PRPF38B: variants seen among roughly 807,000 people sequenced by gnomAD.
PRPF38B encodes the protein pre-mRNA-splicing factor 38B.
In PRPF38B, 18 loss-of-function variants were observed where a neutral mutation model predicts 67.2. The ratio of observed to expected loss-of-function variants is 0.27; its 90% CI spans 0.19 to 0.40. The LOEUF is 0.40. Ranked by LOEUF, PRPF38B falls within the 10% of genes least tolerant of loss-of-function variation. PRPF38B has a pLI of 1.00. For missense variants in PRPF38B, 544 were observed against 684.9 expected, an observed-to-expected ratio of 0.79 and a Z score of 2.30; for synonymous variants, 246 against 234.2, an observed-to-expected ratio of 1.05 and a Z score of -0.46.
In PRPF38B at chr1:108,700,062, A is replaced by G. The variant is rs1222448104; in HGVS notation, c.*42A>G. 1 of 1,535,550 alleles carries G rather than the reference A, an allele frequency of 6.5e-7. No individual in the cohort carries two copies. The highest frequency in any genetic ancestry group is 2.3e-5 in the East Asian group (1 of 44,118). On this transcript the variant is annotated 3_prime_UTR_variant, in exon 6 of 6. Coordinates refer to ENST00000370025, the MANE Select transcript of PRPF38B (RefSeq NM_018061.4). The stretch of plus-strand genomic sequence containing the variant: ...TGGATCACATTGAATCCTATAAATG[A>G]TTAAATCTGCTTTTTTCCCCCACGT...
chr1:108,697,551 T>C (rs1013836181), intron 4 of PRPF38B: 3 of 6,852 alleles, frequency 4.4e-4, no homozygotes, highest in Non-Finnish European at 1.3e-3. Flanking sequence ...TTTTTTTTTT[T>C]TTTTTTTTGC....
At chr1:108,694,641 C>T (rs916473380) in intron 1 of PRPF38B, among the ~76,000 whole-genome samples, 10 of 152,094 alleles carry the variant, frequency 6.6e-5, no homozygotes, top group African/African-American at 2.4e-4. Flanking sequence ...TAGTGTAGTG[C>T]TTAAACTTAC....
chr1:108,699,701 G>A lies in PRPF38B; in HGVS notation c.1322G>A (p.Ser441Asn), dbSNP rs761679182. ...RERKHRSRSR[S>N]RNAGKRSRSR... ...AGGAAACACAGAAGTAGGAGTCGAA[G>A]TAGAAATGCAGGGAAACGAAGTAGA... is the stretch of plus-strand genomic sequence containing the variant. The change falls in exon 6 of 6, where the codon AGT (serine) becomes AAT (asparagine). Residue 441 changes from serine (S) to asparagine (N), a missense_variant. Ser to Asn is a conservative substitution (Grantham distance 46). Around this residue, in one of 5 missense-constraint regions of PRPF38B, gnomAD observed 387 missense variants for 386.1 expected, o/e 1.00. Transcript: ENST00000370025. The A allele has an allele frequency of 1.1e-4, 185 of 1,609,152 alleles. No homozygotes were observed. Among genetic ancestry groups the A allele is most frequent in the Non-Finnish European group, 1.5e-4 (182 of 1,177,316 alleles).
intron 2 of PRPF38B, 69 bp downstream of exon 2, chr1:108,695,839 G>GTAT: frequency 6.5e-7 from 1 of 1,530,200 alleles, no homozygotes; most frequent in Non-Finnish European, 9.0e-7. Flanking sequence ...TAGAGAACTA[G>GTAT]AGGCCTGTCA....
Position 108,692,643 on chromosome 1 carries a change from G to C in PRPF38B, c.52G>C (p.Ala18Pro). The C allele has an allele frequency of 1.9e-6, 3 of 1,610,640 alleles. No homozygotes were observed. Among genetic ancestry groups the C allele is most frequent in the Middle Eastern group, 1.7e-4 (1 of 6,044 alleles). The change falls in exon 1 of 6, where the codon GCG becomes CCG. Residue 18 changes from alanine (A) to proline (P), a missense_variant. Ala to Pro is a conservative substitution (Grantham distance 27, BLOSUM62 -1). Coordinates refer to ENST00000370025, the MANE Select transcript of PRPF38B (RefSeq NM_018061.4). ...LTGNSQPQHQAAAAAAQQQQQ... is the reference protein window; with the variant it reads ...LTGNSQPQHQPAAAAAQQQQQ... ...AGGCAACTCGCAGCCGCAGCACCAGGCGGCTGCAGCTGCGGCTCAGCAACA... is the reference window on the plus strand; with the variant it reads ...AGGCAACTCGCAGCCGCAGCACCAGCCGGCTGCAGCTGCGGCTCAGCAACA...
In PRPF38B at chr1:108,696,215, A is replaced by G. The variant is rs761044300; in HGVS notation, c.497+21A>G. 7.8e-5 allele frequency: 126 copies of G among 1,611,294 alleles called. No individual in the cohort carries two copies. The highest frequency in any genetic ancestry group is 1.0e-4 in the Non-Finnish European group (120 of 1,178,190). Reference sequence around the variant, plus strand: ...ATAAGGTGAGCGTACATTTATGTACATTTCCAGTAAATATCTCATTTTAAT... The same window carrying G: ...ATAAGGTGAGCGTACATTTATGTACGTTTCCAGTAAATATCTCATTTTAAT... On this transcript the variant is annotated intron_variant, in intron 3 of 5. Transcript: ENST00000370025.
At chr1:108,692,907 G>T in intron 1 of PRPF38B, 40 bp downstream of exon 1, 1 of 1,582,482 alleles carries the variant, frequency 6.3e-7, no homozygotes, top group Non-Finnish European at 8.6e-7. Context: ...GGTAAGTTCG[G>T]AAGAGGGGGT....
chr1:108,699,269 G>A lies in PRPF38B; in HGVS notation c.890G>A (p.Arg297Lys). Residue 297 changes from arginine (R) to lysine (K), a missense_variant, in exon 6 of 6, where the codon AGA becomes AAA. Coordinates refer to ENST00000370025, the MANE Select transcript of PRPF38B (RefSeq NM_018061.4). ...TCTAGTTTTGACAGAGAATTAGAAA[G>A]AGAGAAAGAACGCCAGCGACTAGAG... is the stretch of plus-strand genomic sequence containing the variant. Reference protein sequence around the residue: ...GSSSFDRELEREKERQRLERE... With the variant: ...GSSSFDRELEKEKERQRLERE... 1 of 1,614,126 alleles carries A rather than the reference G, an allele frequency of 6.2e-7. No homozygotes were observed. The highest frequency in any genetic ancestry group is 8.5e-7 in the Non-Finnish European group (1 of 1,180,026).
Position 108,699,504 on chromosome 1 carries a change from A to C in PRPF38B, c.1125A>C (p.Gly375=). 1.9e-6 allele frequency: 3 copies of C among 1,577,956 alleles called. No homozygotes were observed. Among genetic ancestry groups the C allele is most frequent in the Non-Finnish European group, 2.6e-6 (3 of 1,161,746 alleles). The change falls in exon 6 of 6, where the codon GGA becomes GGC. Residue 375 remains glycine, a synonymous_variant. Transcript: ENST00000370025. ...RRDRDYDKER[G]NEREKERERS... ...ATCGTGACTATGATAAGGAAAGAGG[A>C]AATGAACGAGAAAAAGAGAGAGAGC...
rs959613819 is a variant in PRPF38B, at chr1:108,700,314, A to G, written c.*294A>G. The G allele has an allele frequency of 1.1e-5, 3 of 278,686 alleles. No homozygotes were observed. Among genetic ancestry groups the G allele is most frequent in the African/African-American group, 4.4e-5 (2 of 45,198 alleles). 17.3% of individuals were successfully genotyped at this position (278,686 alleles called of 1,614,324 possible). A position where few individuals can be genotyped will look rare whatever the true frequency, so the allele number is the denominator to read the frequency against. ...CTGAAAATGTTTTAATTCCTTTGGC[A>G]TGGTTGCCATGTTGGTTAAATTTGT... On this transcript the variant is annotated 3_prime_UTR_variant, in exon 6 of 6. Transcript: ENST00000370025.
rs918073740 is a variant in PRPF38B at position 108,696,928 on chromosome 1, G to A, written c.558+591G>A. 1.6e-5 allele frequency: 9 copies of A among 553,938 alleles called. No individual in the cohort carries two copies. In the Admixed American group the frequency reaches 3.1e-4, roughly 19 times the overall value. The allele number at this position is 553,938 out of a possible 1,614,324, so 34.3% of individuals were successfully genotyped here. On this transcript the variant is annotated intron_variant, in intron 4 of 5. Coordinates refer to ENST00000370025, the MANE Select transcript of PRPF38B (RefSeq NM_018061.4). Reference sequence around the variant, plus strand: ...CTTTAAAAAAGAAATTTTTTAAATTGTAATTCGAGTCTCCCTAATTTGAAA... The same window carrying A: ...CTTTAAAAAAGAAATTTTTTAAATTATAATTCGAGTCTCCCTAATTTGAAA...
At chr1:108,695,505 T>C (rs1659781596) in intron 1 of PRPF38B, among the ~76,000 whole-genome samples, 197 bp from the exon 2 acceptor site, 1 of 152,212 alleles carries the variant, frequency 6.6e-6, no homozygotes, top group Non-Finnish European at 1.5e-5. Context: ...TAAACCCTAG[T>C]AGCTTTATGG....
At chr1:108,693,816 C>A (rs1319760708) in intron 1 of PRPF38B, among the ~76,000 whole-genome samples, 2 of 152,032 alleles carry the variant, frequency 1.3e-5, no homozygotes, top group Admixed American at 1.3e-4. Flanking sequence ...TCCAGGCCTC[C>A]GAAAGTTAAT....
chr1:108,700,354 T>A lies in PRPF38B; in HGVS notation c.*334T>A. On this transcript the variant is annotated 3_prime_UTR_variant, in exon 6 of 6. Coordinates refer to ENST00000370025, the MANE Select transcript of PRPF38B (RefSeq NM_018061.4). ...GTTAAATTTGTATAAGGCAATAAACTGCCACTAATCTATTTTTGTTTTGTA... is the reference window on the plus strand; with the variant it reads ...GTTAAATTTGTATAAGGCAATAAACAGCCACTAATCTATTTTTGTTTTGTA... The A allele has an allele frequency of 5.1e-6, 1 of 197,304 alleles. No homozygotes were observed. The highest frequency in any genetic ancestry group is 1.0e-5 in the Non-Finnish European group (1 of 97,318). The allele number at this position is 197,304 out of a possible 1,614,324, so 12.2% of individuals were successfully genotyped here. A position where few individuals can be genotyped will look rare whatever the true frequency, so the allele number is the denominator to read the frequency against.
chr1:108,693,323 G>A (rs1659519950), intron 1 of PRPF38B, among the ~76,000 whole-genome samples: 1 of 152,104 alleles, frequency 6.6e-6, no homozygotes, highest in African/African-American at 2.4e-5. Context: ...TCCGATCCAG[G>A]CAGGGAAATG....
rs946477231 is a variant in PRPF38B at position 108,701,341 on chromosome 1, G to A, written c.*1321G>A. The A allele has an allele frequency of 2.0e-5, 3 of 152,596 alleles. No individual in the cohort carries two copies. The highest frequency in any genetic ancestry group is 7.2e-5 in the African/African-American group (3 of 41,432). 9.5% of individuals were successfully genotyped at this position (152,596 alleles called of 1,614,324 possible). On this transcript the variant is annotated 3_prime_UTR_variant, in exon 6 of 6. Transcript: ENST00000370025. The stretch of plus-strand genomic sequence containing the variant: ...TTGGAGAAATGCATAGACTGGGATT[G>A]GGCATGTGGTAATCAATAATCTTTA...
rs1020911510 is a variant in PRPF38B, at chr1:108,692,525, C to A, written c.-67C>A. ...GGAGTAGGGTCCCAGACCGTTGTCC[C>A]GAAGAGCGAGATCGAGCTTGGCCCC... On this transcript the variant is annotated 5_prime_UTR_variant, in exon 1 of 6. Transcript: ENST00000370025. The A allele has an allele frequency of 5.4e-6, 8 of 1,470,236 alleles. No individual in the cohort carries two copies. The highest frequency in any genetic ancestry group is 7.2e-6 in the Non-Finnish European group (8 of 1,110,616). 91.1% of individuals were successfully genotyped at this position (1,470,236 alleles called of 1,614,324 possible).
At chr1:108,698,449 T>C (rs1242861456) in intron 4 of PRPF38B, 155 bp from the exon 5 acceptor site, 1 of 620,732 alleles carries the variant, frequency 1.6e-6, no homozygotes, top group Non-Finnish European at 2.7e-6. Context: ...CCCAAATATT[T>C]CTGTTCATTC....
chr1:108,699,613 C>G lies in PRPF38B; in HGVS notation c.1234C>G (p.His412Asp), dbSNP rs1461202187. The G allele has an allele frequency of 6.4e-7, 1 of 1,553,782 alleles. No individual in the cohort carries two copies. The highest frequency in any genetic ancestry group is 2.0e-5 in the Admixed American group (1 of 51,054). Residue 412 changes from histidine to aspartate, a missense_variant, in exon 6 of 6, where the codon CAC (histidine) becomes GAC (aspartate). Physicochemically the swap from His to Asp is moderately conservative, Grantham distance 81. This residue lies in a region of PRPF38B where 387 missense variants were observed against 386.1 expected (regional missense o/e 1.00). Coordinates refer to ENST00000370025, the MANE Select transcript of PRPF38B (RefSeq NM_018061.4). ...KHKEDKDDRR[H>D]RDDKRDSKKE... ...TAAAGAAGACAAAGATGATAGGCGG[C>G]ACAGAGATGACAAAAGAGATTCCAA...
Sources: allele counts gnomAD v4.1 joint callset (sites outside exome capture counted in the v4.1 genomes callset), GRCh38; gene constraint gnomAD v4.1.1; regional missense constraint gnomAD v4.1.1; transcripts MANE v1.5; gene names NCBI Gene and HGNC (gene_info 2026-07-23, HGNC 2026-07-21).